Variants in EFNA5 observed in about 807,000 individuals in gnomAD.
The protein encoded by EFNA5 is ephrin-A5.
EFNA5 carries 5 observed loss-of-function variants against 22.9 expected under a neutral mutation model. The ratio of observed to expected loss-of-function variants is 0.22; its 90% CI spans 0.11 to 0.46. EFNA5 has a LOEUF of 0.46. Ranked by LOEUF, EFNA5 falls within the 20% of genes least tolerant of loss-of-function variation. The pLI, the probability that EFNA5 is intolerant of heterozygous loss-of-function variation, is 0.99. For missense variants in EFNA5, 237 were observed against 293.3 expected (o/e 0.81, Z 1.40); for synonymous variants, 113 against 112.2 (o/e 1.01, Z -0.04).
chr5:107,414,118 GCTTATTAAAAATAGA>G (rs1271011865), intron 2 of EFNA5, among the ~76,000 whole-genome samples: 1 of 152,072 alleles, frequency 6.6e-6, no homozygotes, highest in Non-Finnish European at 1.5e-5. Context: ...CAGCTGGAGG[GCTTATTAAAAATAGA>G]TTCCTACATT....
chr5:107,496,336 C>CAAAAAAAAAAAA (rs77916124), intron 1 of EFNA5, among the ~76,000 whole-genome samples: 13 of 79,796 alleles, frequency 1.6e-4, no homozygotes, highest in East Asian at 9.0e-4. Flanking sequence ...AATTCCATCT[C>CAAAAAAAAAAAA]AAAAAAAAAA....
chr5:107,437,456 C>T (rs543498523), intron 1 of EFNA5, among the ~76,000 whole-genome samples: 9 of 152,240 alleles, frequency 5.9e-5, no homozygotes, highest in Admixed American at 2.0e-4. Context: ...TCATTAGAAA[C>T]GAGGTGGTGA....
At chr5:107,475,108 C>T (rs752445813) in intron 1 of EFNA5, among the ~76,000 whole-genome samples, 6 of 152,202 alleles carry the variant, frequency 3.9e-5, no homozygotes, top group African/African-American at 1.2e-4. Flanking sequence ...CCTCAAGTTA[C>T]TACTTGTGGC....
chr5:107,384,364 T>C (rs1747552883), intron 4 of EFNA5, among the ~76,000 whole-genome samples: 1 of 152,190 alleles, frequency 6.6e-6, no homozygotes, highest in Admixed American at 6.6e-5. Context: ...ATGTGGCATA[T>C]GTCTGCCCTG....
In EFNA5 at chr5:107,583,156, T is replaced by C. The variant is rs190681611; in HGVS notation, c.125+87333A>G. Among the ~76,000 whole-genome samples, 92 of 152,278 alleles carry C rather than the reference T, an allele frequency of 6.0e-4. 3 individuals are homozygous for C. Among genetic ancestry groups the C allele is most frequent in the Non-Finnish European group, 1.5e-5 (1 of 68,026 alleles). Reference sequence around the variant, plus strand: ...GATCCAAGGATCTCATAACTAAATATTTTCTAACAAAAAGTGAGAGGAAAG... The same window carrying C: ...GATCCAAGGATCTCATAACTAAATACTTTCTAACAAAAAGTGAGAGGAAAG... On this transcript the variant is annotated intron_variant, in intron 1 of 4. Transcript: ENST00000333274.
chr5:107,644,747 T>C (rs528429778), intron 1 of EFNA5, among the ~76,000 whole-genome samples: 3 of 152,248 alleles, frequency 2.0e-5, no homozygotes, highest in East Asian at 3.9e-4. Context: ...TGCCACCCAG[T>C]TTGGAGTGCA....
intron 1 of EFNA5, among the ~76,000 whole-genome samples, chr5:107,540,150 G>C (rs906155446): frequency 6.6e-6 from 1 of 151,916 alleles, no homozygotes; most frequent in Non-Finnish European, 1.5e-5. Context: ...TGAAGAGGGG[G>C]AGGGGGCAAG....
chr5:107,654,491 C>A lies in EFNA5; in HGVS notation c.125+15998G>T, dbSNP rs146884918. On this transcript the variant is annotated intron_variant, in intron 1 of 4. Transcript: ENST00000333274. ...ATTCATAGTTGTCTGCCATAACCAA[C>A]TATAATACTCATTATTCCATTCAAA... Among the ~76,000 whole-genome samples, 11 of 152,182 alleles carry A rather than the reference C, an allele frequency of 7.2e-5. 1 individual carries two copies. In the East Asian group the frequency reaches 1.7e-3, roughly 24 times the overall value.
At chr5:107,495,976 C>A (rs912110557) in intron 1 of EFNA5, among the ~76,000 whole-genome samples, 2 of 151,964 alleles carry the variant, frequency 1.3e-5, no homozygotes, top group Non-Finnish European at 2.9e-5. Flanking sequence ...CTCCTGACTG[C>A]TTGTCCAGGC....
At chr5:107,446,187 T>C (rs76701200) in intron 1 of EFNA5, among the ~76,000 whole-genome samples, 5 of 152,284 alleles carry the variant, frequency 3.3e-5, no homozygotes, top group African/African-American at 9.6e-5. Context: ...AAATAAATGA[T>C]GACTAAAAGT....
intron 1 of EFNA5, among the ~76,000 whole-genome samples, chr5:107,438,817 G>C (rs1158020216): frequency 6.6e-6 from 1 of 152,140 alleles, no homozygotes; most frequent in African/African-American, 2.4e-5. Flanking sequence ...AACTGCTCCA[G>C]GCCACTGTTG....
intron 1 of EFNA5, among the ~76,000 whole-genome samples, chr5:107,603,585 G>A (rs1018530313): frequency 6.6e-6 from 1 of 152,162 alleles, no homozygotes; most frequent in Non-Finnish European, 1.5e-5. Context: ...ACCTACTAAC[G>A]ACCAGCTCCA....
intron 1 of EFNA5, among the ~76,000 whole-genome samples, chr5:107,658,909 T>G (rs1031819894): frequency 1.4e-4 from 22 of 152,202 alleles, no homozygotes; most frequent in African/African-American, 5.1e-4. Context: ...GTATATATGC[T>G]GTTTACTGCA....
chr5:107,431,392 C>G (rs1185027920), intron 1 of EFNA5, among the ~76,000 whole-genome samples: 1 of 152,100 alleles, frequency 6.6e-6, no homozygotes, highest in Non-Finnish European at 1.5e-5. Context: ...AGAATGGAAC[C>G]ATTCTTTTCT....
At chr5:107,642,620 T>C (rs1053188070) in intron 1 of EFNA5, among the ~76,000 whole-genome samples, 9 of 152,172 alleles carry the variant, frequency 5.9e-5, no homozygotes, top group Admixed American at 3.3e-4. Flanking sequence ...TGGGCAGTTA[T>C]AGCATTCTCT....
chr5:107,430,690 T>G (rs1748925020), intron 1 of EFNA5, among the ~76,000 whole-genome samples: 1 of 152,140 alleles, frequency 6.6e-6, no homozygotes, highest in South Asian at 2.1e-4. Flanking sequence ...TGATGACATT[T>G]TATTTTGCAT....
chr5:107,518,042 T>C (rs1747519344), intron 1 of EFNA5, among the ~76,000 whole-genome samples: 1 of 152,156 alleles, frequency 6.6e-6, no homozygotes, highest in South Asian at 2.1e-4. Context: ...GTAAACAGCA[T>C]TTTCCTTCTG....
chr5:107,466,342 G>A (rs1749981053), intron 1 of EFNA5, among the ~76,000 whole-genome samples: 1 of 152,038 alleles, frequency 6.6e-6, no homozygotes, highest in Non-Finnish European at 1.5e-5. Context: ...CATCCTCCCT[G>A]CCCAGTCAGC....
At chr5:107,648,681 A>G (rs1488270183) in intron 1 of EFNA5, among the ~76,000 whole-genome samples, 1 of 152,078 alleles carries the variant, frequency 6.6e-6, no homozygotes, top group African/African-American at 2.4e-5. Flanking sequence ...GGGATGTTGG[A>G]TGGTTTGGGT....
Sources: allele counts gnomAD v4.1 joint callset (sites outside exome capture counted in the v4.1 genomes callset), GRCh38; gene constraint gnomAD v4.1.1; transcripts MANE v1.5; gene names NCBI Gene and HGNC (gene_info 2026-07-23, HGNC 2026-07-21).